Variants in PIWIL4 observed in about 807,000 individuals in gnomAD.
PIWIL4 encodes the protein piwi-like protein 4.
Under a neutral mutation model 100.9 loss-of-function variants are expected in PIWIL4, and 50 were observed. The ratio of observed to expected loss-of-function variants is 0.50; its 90% CI spans 0.39 to 0.63. PIWIL4 has a LOEUF of 0.63. PIWIL4 is among the 20% of genes least tolerant of loss of function. The pLI is 0.00. For missense variants in PIWIL4, 887 were observed against 1,043.3 expected (o/e 0.85, Z 2.06); for synonymous variants, 342 against 367.5 (o/e 0.93, Z 0.79).
chr11:94,576,766 T>G (rs1948243374), intron 3 of PIWIL4, among the ~76,000 whole-genome samples: 2 of 152,228 alleles, frequency 1.3e-5, no homozygotes, highest in Admixed American at 6.5e-5. Context: ...TCTGAGGGTC[T>G]TCTCTGAGAT....
intron 15 of PIWIL4, among the ~76,000 whole-genome samples, chr11:94,609,573 G>A (rs1416250939): frequency 6.6e-6 from 1 of 152,124 alleles, no homozygotes; most frequent in Non-Finnish European, 1.5e-5. Flanking sequence ...CAGGTTGTAT[G>A]AGATGCTTCT....
At chr11:94,612,919 ATTG>A (rs1173141842) in intron 15 of PIWIL4, among the ~76,000 whole-genome samples, 10 of 151,988 alleles carry the variant, frequency 6.6e-5, no homozygotes, top group Admixed American at 3.3e-4. Flanking sequence ...TATTAATTGT[ATTG>A]TTATTTTCTT....
chr11:94,577,774 C>T (rs919171529), intron 4 of PIWIL4, among the ~76,000 whole-genome samples: 10 of 151,884 alleles, frequency 6.6e-5, no homozygotes, highest in African/African-American at 9.7e-5. Context: ...AGCTTATTAA[C>T]GAAAGAAAAA....
intron 12 of PIWIL4, 58 bp from the exon 13 acceptor site, chr11:94,603,926 T>A (rs61124264): frequency 9.6e-7 from 1 of 1,040,628 alleles, no homozygotes; most frequent in Non-Finnish European, 1.5e-6. Flanking sequence ...TAATGCCATA[T>A]AAGTATGTGC....
chr11:94,591,269 G>A (rs993765989), intron 8 of PIWIL4, among the ~76,000 whole-genome samples: 1 of 152,128 alleles, frequency 6.6e-6, no homozygotes, highest in African/African-American at 2.4e-5. Flanking sequence ...CAGCCTTTGT[G>A]TGTGTTCACT....
At chr11:94,591,409 C>T (rs1381193808) in intron 8 of PIWIL4, among the ~76,000 whole-genome samples, 1 of 152,226 alleles carries the variant, frequency 6.6e-6, no homozygotes, top group Non-Finnish European at 1.5e-5. Flanking sequence ...AGCTGTTCTC[C>T]TTTCTAAGTA....
At chr11:94,578,023 G>T (rs1948262265) in intron 4 of PIWIL4, among the ~76,000 whole-genome samples, 2 of 152,226 alleles carry the variant, frequency 1.3e-5, no homozygotes, top group South Asian at 2.1e-4. Context: ...ATAATAAGCG[G>T]ATGTTACCAT....
chr11:94,569,506 G>C (rs367767183), intron 2 of PIWIL4, among the ~76,000 whole-genome samples: 2 of 152,282 alleles, frequency 1.3e-5, no homozygotes, highest in South Asian at 4.1e-4. Flanking sequence ...AACCTCCCAA[G>C]TAGCTGGGAT....
intron 10 of PIWIL4, among the ~76,000 whole-genome samples, chr11:94,595,645 A>G (rs1280261764): frequency 6.6e-6 from 1 of 152,222 alleles, no homozygotes; most frequent in Non-Finnish European, 1.5e-5. Flanking sequence ...CACTTGCTTT[A>G]CCTCCATGCC....
intron 19 of PIWIL4, 32 bp from the exon 20 acceptor site, chr11:94,620,844 C>T (rs773998201): frequency 4.0e-6 from 6 of 1,509,214 alleles, no homozygotes; most frequent in Non-Finnish European, 4.6e-6. Flanking sequence ...AAGGTAATCT[C>T]TTAATTATTA....
At chr11:94,576,893 T>C (rs1447035154) in intron 3 of PIWIL4, among the ~76,000 whole-genome samples, 12 of 152,218 alleles carry the variant, frequency 7.9e-5, no homozygotes, top group Admixed American at 7.9e-4. Context: ...AACCAGACTG[T>C]TTCTTTATGA....
intron 7 of PIWIL4, among the ~76,000 whole-genome samples, chr11:94,587,717 G>A (rs1346378676): frequency 6.6e-6 from 1 of 152,186 alleles, no homozygotes; most frequent in Non-Finnish European, 1.5e-5. Context: ...CTACCTTGTT[G>A]TGGCCATCTT....
chr11:94,604,109 T>A, intron 13 of PIWIL4, 53 bp downstream of exon 13: 1 of 1,215,718 alleles, frequency 8.2e-7, no homozygotes, highest in Non-Finnish European at 1.2e-6. Flanking sequence ...TAGTTCTGCT[T>A]TATATCTACA....
chr11:94,607,370 T>G (rs1948734540), intron 13 of PIWIL4, 69 bp from the exon 14 acceptor site: 1 of 1,395,010 alleles, frequency 7.2e-7, no homozygotes. Context: ...ATGAATTCAT[T>G]TCTTTAAAAA....
chr11:94,570,234 C>T (rs917165478), intron 2 of PIWIL4, among the ~76,000 whole-genome samples: 1 of 152,120 alleles, frequency 6.6e-6, no homozygotes, highest in African/African-American at 2.4e-5. Context: ...GCTGCCCTGA[C>T]AAAGTAGTAC....
chr11:94,571,402 A>G (rs1948151705), intron 2 of PIWIL4, among the ~76,000 whole-genome samples: 1 of 152,190 alleles, frequency 6.6e-6, no homozygotes, highest in East Asian at 1.9e-4. Context: ...CGTCATTTAC[A>G]TTAGGTATAT....
chr11:94,601,053 C>T (rs1036611870), intron 11 of PIWIL4, among the ~76,000 whole-genome samples: 1 of 150,426 alleles, frequency 6.6e-6, no homozygotes, highest in Admixed American at 6.7e-5. Context: ...TCACAAGGTC[C>T]TGAGGCGACA....
At position 94,567,397 on chromosome 11, in the gene PIWIL4, T is replaced by A; in HGVS notation, c.-122T>A. The A allele has an allele frequency of 1.1e-6, 1 of 897,702 alleles. No homozygotes were observed. The allele number at this position is 897,702 out of a possible 1,614,324, so 55.6% of individuals were successfully genotyped here. On this transcript the variant is annotated 5_prime_UTR_variant, in exon 1 of 20. It removes an upstream start codon present in the reference 5' UTR. Coordinates refer to ENST00000299001, the MANE Select transcript of PIWIL4 (RefSeq NM_152431.3). ...TTCCAGCCCCGGCGTTGGTTGTGGA[T>A]GCTGGACATCCACCGCCTCCAGGCA...
chr11:94,613,566 T>G (rs1242055552), intron 15 of PIWIL4, among the ~76,000 whole-genome samples: 1 of 152,218 alleles, frequency 6.6e-6, no homozygotes, highest in Non-Finnish European at 1.5e-5. Context: ...TGTTCTCCTT[T>G]TGAAACTTTC....
Sources: allele counts gnomAD v4.1 joint callset (sites outside exome capture counted in the v4.1 genomes callset), GRCh38; gene constraint gnomAD v4.1.1; transcripts MANE v1.5; gene names NCBI Gene and HGNC (gene_info 2026-07-23, HGNC 2026-07-21).